Variants in LRP5 observed in about 807,000 individuals in gnomAD.
The protein encoded by LRP5 is LDL receptor related protein 5, also known as low-density lipoprotein receptor-related protein 5.
LRP5 carries 62 observed loss-of-function variants against 154.1 expected under a neutral mutation model. The observed-to-expected ratio is 0.40, with a 90% CI of 0.33 to 0.50. LRP5 has a LOEUF of 0.50. Among genes scored for constraint, LRP5 ranks in the 20% least tolerant of loss-of-function variants. The pLI is 0.55. For synonymous variants in LRP5, 966 were observed against 1,011.5 expected (o/e 0.96, Z 0.85); for missense variants, 1,915 against 2,336.7 (o/e 0.82, Z 3.72).
At chr11:68,343,787 T>A (rs2098610521) in intron 1 of LRP5, among the ~76,000 whole-genome samples, 1 of 152,156 alleles carries the variant, frequency 6.6e-6, no homozygotes, top group Admixed American at 6.6e-5. Context: ...AGCTCCTGCA[T>A]CCTGGGCGTG....
At chr11:68,425,903 C>T (rs1322003838) in intron 15 of LRP5, 75 bp from the exon 16 acceptor site, 3 of 1,335,420 alleles carry the variant, frequency 2.2e-6, no homozygotes, top group Non-Finnish European at 2.1e-6. Flanking sequence ...CTGTCAACCT[C>T]TGTCCTCCCA....
At chr11:68,430,585 A>G (rs2098671340) in intron 17 of LRP5, among the ~76,000 whole-genome samples, 1 of 152,182 alleles carries the variant, frequency 6.6e-6, no homozygotes, top group Non-Finnish European at 1.5e-5. Flanking sequence ...CAGAAACATC[A>G]ATTAGATCCA....
At chr11:68,434,459 A>C (rs1233062534) in intron 18 of LRP5, among the ~76,000 whole-genome samples, 1 of 151,904 alleles carries the variant, frequency 6.6e-6, no homozygotes, top group Admixed American at 6.6e-5. Flanking sequence ...GGCTCACTGC[A>C]ACCTCTGCCT....
At chr11:68,433,198 G>T (rs1297917851) in intron 17 of LRP5, among the ~76,000 whole-genome samples, 1 of 152,220 alleles carries the variant, frequency 6.6e-6, no homozygotes, top group East Asian at 1.9e-4. Context: ...GGGCACTCAG[G>T]CGTGGCTGAG....
At chr11:68,366,753 T>C (rs1403839656) in intron 5 of LRP5, among the ~76,000 whole-genome samples, 1 of 152,064 alleles carries the variant, frequency 6.6e-6, no homozygotes, top group Non-Finnish European at 1.5e-5. Flanking sequence ...CGACCAAGCA[T>C]CTTGTTTCCC....
intron 1 of LRP5, 67 bp downstream of exon 1, chr11:68,312,872 C>A: frequency 1.1e-6 from 1 of 889,510 alleles, no homozygotes; most frequent in Non-Finnish European, 1.4e-6. Flanking sequence ...GCCCCGCGGC[C>A]AAGTGCGCGG....
chr11:68,321,895 T>G (rs1054127478), intron 1 of LRP5, among the ~76,000 whole-genome samples: 5 of 152,204 alleles, frequency 3.3e-5, no homozygotes, highest in Admixed American at 6.5e-5. Context: ...GCGTGTGGCC[T>G]GGGCTGGAAC....
At chr11:68,417,889 C>T (rs2098663466) in intron 13 of LRP5, among the ~76,000 whole-genome samples, 1 of 150,958 alleles carries the variant, frequency 6.6e-6, no homozygotes, top group African/African-American at 2.4e-5. Context: ...GAGCCGAGAT[C>T]ACACCATTGC....
intron 6 of LRP5, among the ~76,000 whole-genome samples, chr11:68,389,443 C>T (rs1168683096): frequency 6.6e-6 from 1 of 152,240 alleles, no homozygotes; most frequent in African/African-American, 2.4e-5. Context: ...CATTTACTGA[C>T]ACTGATATCT....
At position 68,438,646 on chromosome 11, in the gene LRP5, A is replaced by G. The variant is rs1471961024; in HGVS notation, c.4312A>G (p.Ile1438Val). The change falls in exon 20 of 23, where the codon ATA becomes GTA. Residue 1438 changes from isoleucine to valine, a missense_variant. Physicochemically the swap from Ile to Val is conservative, Grantham distance 29 (BLOSUM62 3). Around this residue, in one of 3 missense-constraint regions of LRP5, gnomAD observed 1,094 missense variants for 1,210.1 expected, o/e 0.90. Transcript: ENST00000294304. Reference protein sequence around the residue: ...SGTPHVPLNFIAPGGSQHGPF... With the variant: ...SGTPHVPLNFVAPGGSQHGPF... ...GACCCCGCACGTGCCCCTCAATTTC[A>G]TAGCCCCGGGCGGTTCCCAGCATGG... 6.2e-6 allele frequency: 10 copies of G among 1,613,310 alleles called. No individual in the cohort carries two copies. The South Asian group carries it at 7.7e-5, about 12-fold the overall frequency.
chr11:68,421,976 G>A (rs138862101), intron 13 of LRP5, among the ~76,000 whole-genome samples: 2 of 152,158 alleles, frequency 1.3e-5, no homozygotes, highest in African/African-American at 4.8e-5. Context: ...CACCCAGGCT[G>A]GGGTATGGTG....
chr11:68,394,055 A>G (rs1341753186), intron 7 of LRP5, among the ~76,000 whole-genome samples: 1 of 152,066 alleles, frequency 6.6e-6, no homozygotes, highest in African/African-American at 2.4e-5. Flanking sequence ...CCAAGCTCCA[A>G]TCCTTACCGC....
intron 5 of LRP5, among the ~76,000 whole-genome samples, chr11:68,380,400 C>T (rs1476157043): frequency 2.6e-5 from 4 of 152,294 alleles, no homozygotes; most frequent in Middle Eastern, 3.4e-3. Flanking sequence ...GCTGAGGAGG[C>T]GGGAAGGAGA....
At position 68,403,717 on chromosome 11, in the gene LRP5, C is replaced by G; in HGVS notation, c.1801+18C>G. The G allele has an allele frequency of 6.2e-7, 1 of 1,612,336 alleles. No homozygotes were observed. The highest frequency in any genetic ancestry group is 8.5e-7 in the Non-Finnish European group (1 of 1,179,790). On this transcript the variant is annotated intron_variant, in intron 8 of 22. Coordinates refer to ENST00000294304, the MANE Select transcript of LRP5 (RefSeq NM_002335.4). ...GGTCGTCGGTGAGTCCGGGGGGTCC[C>G]AAGCCATGGCTCAGCCATGCAGACT...
At chr11:68,414,164 T>G in intron 12 of LRP5, 152 bp downstream of exon 12, 1 of 780,210 alleles carries the variant, frequency 1.3e-6, no homozygotes, top group Non-Finnish European at 2.2e-6. Context: ...TGATGCTACC[T>G]GGGGGTCCAG....
chr11:68,390,152 C>G, intron 7 of LRP5, 100 bp downstream of exon 7: 2 of 1,423,112 alleles, frequency 1.4e-6, no homozygotes, highest in Non-Finnish European at 1.9e-6. Context: ...TGCCTGTGCT[C>G]TGCTATTTGG....
chr11:68,312,941 C>T (rs939101928), intron 1 of LRP5, 136 bp downstream of exon 1: 65 of 299,872 alleles, frequency 2.2e-4, no homozygotes, highest in Non-Finnish European at 2.9e-4. Context: ...GGCGCGCGCC[C>T]GGGATCCCCC....
chr11:68,408,767 G>C (rs2153165571), intron 9 of LRP5, among the ~76,000 whole-genome samples: 1 of 152,164 alleles, frequency 6.6e-6, no homozygotes, highest in South Asian at 2.1e-4. Flanking sequence ...GCTGGTTACA[G>C]CCGGGCACAG....
At position 68,411,510 on chromosome 11, in the gene LRP5, C is replaced by G. The variant is rs371155552; in HGVS notation, c.2393C>G (p.Thr798Arg). The G allele has an allele frequency of 6.2e-7, 1 of 1,613,766 alleles. No homozygotes were observed. The highest frequency in any genetic ancestry group is 1.1e-5 in the South Asian group (1 of 91,072). ...TTCATGGACGGGACCAACTGCATGA[C>G]GCTGGTGGACAAGGTGGGCCGGGCC... ...RAFMDGTNCM[T>R]LVDKVGRAND... Residue 798 changes from threonine to arginine, a missense_variant, in exon 11 of 23, where the codon ACG (threonine) becomes AGG (arginine). Around this residue, in one of 3 missense-constraint regions of LRP5, gnomAD observed 1,094 missense variants for 1,210.1 expected, o/e 0.90. Coordinates refer to ENST00000294304, the MANE Select transcript of LRP5 (RefSeq NM_002335.4).
Sources: gnomAD v4.1 joint callset for allele counts (sites outside exome capture counted in the v4.1 genomes callset) on GRCh38, gnomAD v4.1.1 for gene constraint, gnomAD v4.1.1 regional missense constraint, MANE v1.5 for transcripts, NCBI Gene and HGNC (gene_info 2026-07-23, HGNC 2026-07-21) for gene names.